Variants in GRK3 observed in about 807,000 individuals in gnomAD.
The protein encoded by GRK3 is adrenergic, beta, receptor kinase 2.
In GRK3, 54 loss-of-function variants were observed where a neutral mutation model predicts 95.7. The observed-to-expected ratio is 0.56, with a 90% CI of 0.45 to 0.71. The LOEUF is 0.71. Ranked by LOEUF, GRK3 falls within the 30% of genes least tolerant of loss-of-function variation. The pLI, the probability that GRK3 is intolerant of heterozygous loss-of-function variation, is 0.00. For synonymous variants in GRK3, 281 were observed against 290.8 expected (o/e 0.97, Z 0.34); for missense variants, 649 against 851.2 (o/e 0.76, Z 2.96).
chr22:25,674,356 C>CT (rs1236033225), intron 7 of GRK3, 81 bp from the exon 8 acceptor site: 7 of 1,108,358 alleles, frequency 6.3e-6, no homozygotes, highest in Non-Finnish European at 9.5e-6. Context: ...TAATTACTGT[C>CT]TATGTTTTGC....
At chr22:25,574,297 C>A (rs1007106793) in intron 1 of GRK3, among the ~76,000 whole-genome samples, 2 of 151,988 alleles carry the variant, frequency 1.3e-5, no homozygotes, top group Non-Finnish European at 1.5e-5. Context: ...CCAGCCTGGG[C>A]AACATGGTGA....
At chr22:25,604,511 C>T in intron 2 of GRK3, 58 bp downstream of exon 2, 1 of 1,238,976 alleles carries the variant, frequency 8.1e-7, no homozygotes, top group Admixed American at 1.9e-5. Flanking sequence ...TTGGGCGATA[C>T]TATAGTAATA....
Position 25,652,472 on chromosome 22 carries a change from G to A in GRK3, c.264+7807G>A, listed in dbSNP as rs554466148. On this transcript the variant is annotated intron_variant, in intron 3 of 20. Coordinates refer to ENST00000324198, the MANE Select transcript of GRK3 (RefSeq NM_005160.4). ...AATGTTGACTGTATAAAACAATAAT[G>A]TCGTGTTTCTCGAGCTTAAAATAAT... Among the ~76,000 whole-genome samples the A allele has an allele frequency of 5.3e-4, 80 of 152,262 alleles. 3 individuals are homozygous for A. The South Asian group carries it at 0.017, about 32-fold the overall frequency.
intron 1 of GRK3, among the ~76,000 whole-genome samples, chr22:25,582,287 A>T (rs1932127318): frequency 6.6e-6 from 1 of 152,132 alleles, no homozygotes; most frequent in Non-Finnish European, 1.5e-5. Context: ...GTCTCAAAAA[A>T]AAAAAAGAGT....
intron 1 of GRK3, among the ~76,000 whole-genome samples, chr22:25,579,700 C>A (rs143669905): frequency 0.012 from 1,761 of 152,078 alleles, 14 homozygotes; most frequent in Non-Finnish European, 0.018. Context: ...TCTCGATCTC[C>A]TGACCTCGTG....
chr22:25,707,288 T>C (rs2085307363), intron 15 of GRK3, among the ~76,000 whole-genome samples: 1 of 152,218 alleles, frequency 6.6e-6, no homozygotes, highest in African/African-American at 2.4e-5. Context: ...ATTTAGCTTA[T>C]CACATTTAAT....
chr22:25,584,750 C>G (rs1932235029), intron 1 of GRK3, among the ~76,000 whole-genome samples: 1 of 151,226 alleles, frequency 6.6e-6, no homozygotes, highest in African/African-American at 2.4e-5. Flanking sequence ...CTTATACTAT[C>G]TGCAGGTTCA....
intron 3 of GRK3, chr22:25,649,259 T>C: frequency 2.8e-6 from 3 of 1,065,882 alleles, no homozygotes; most frequent in Non-Finnish European, 4.4e-6. Flanking sequence ...TTTTATATGC[T>C]CACATCTGCC....
intron 3 of GRK3, chr22:25,647,828 TGGCTG>T (rs1202572031): frequency 6.2e-6 from 5 of 809,844 alleles, no homozygotes; most frequent in Non-Finnish European, 1.1e-5. Flanking sequence ...GAGAGTGAAA[TGGCTG>T]GGTGCAGTGG....
intron 15 of GRK3, among the ~76,000 whole-genome samples, chr22:25,708,634 T>G (rs1465538124): frequency 6.6e-6 from 1 of 151,216 alleles, no homozygotes; most frequent in Admixed American, 6.6e-5. Flanking sequence ...TCCTCCCCCA[T>G]GCGGGCTTTT....
At chr22:25,664,606 C>T (rs907450265) in intron 5 of GRK3, among the ~76,000 whole-genome samples, 14 of 150,730 alleles carry the variant, frequency 9.3e-5, no homozygotes, top group African/African-American at 3.4e-4. Context: ...TTGCAACCTC[C>T]GCCTCCCAGG....
At chr22:25,652,973 T>A (rs776270855) in intron 3 of GRK3, among the ~76,000 whole-genome samples, 8 of 152,170 alleles carry the variant, frequency 5.3e-5, no homozygotes, top group Non-Finnish European at 8.8e-5. Flanking sequence ...TAGGCTCTTG[T>A]AAGCATGCTC....
chr22:25,671,191 AT>A (rs2084979244), intron 6 of GRK3, among the ~76,000 whole-genome samples: 1 of 134,858 alleles, frequency 7.4e-6, no homozygotes, highest in African/African-American at 2.8e-5. Flanking sequence ...AATACAAAAA[AT>A]TAGTCCACGT....
At chr22:25,647,202 A>T (rs1478900493) in intron 3 of GRK3, 1 of 27,198 alleles carries the variant, frequency 3.7e-5, no homozygotes, top group South Asian at 4.7e-4. Context: ...GCCCCCTCCC[A>T]CCACCCGGAG....
Position 25,725,444 on chromosome 22 carries a change from G to T in GRK3, c.*2994G>T. The T allele has an allele frequency of 2.5e-6, 1 of 397,708 alleles. No homozygotes were observed. The highest frequency in any genetic ancestry group is 4.4e-6 in the Non-Finnish European group (1 of 225,830). 24.6% of individuals were successfully genotyped at this position (397,708 alleles called of 1,614,324 possible). A position where few individuals can be genotyped will look rare whatever the true frequency, so the allele number is the denominator to read the frequency against. On this transcript the variant is annotated 3_prime_UTR_variant, in exon 21 of 21. Coordinates refer to ENST00000324198, the MANE Select transcript of GRK3 (RefSeq NM_005160.4). ...AAATTAAAAACCTTTGTGAATTCAG[G>T]TTTATTATTTTTAACCTAAAACATT...
chr22:25,725,399 A>G lies in GRK3; in HGVS notation c.*2949A>G, dbSNP rs1735343073. ...AAATAATAGATTACTTTAAGCTGCT[A>G]TGTAAGATATATATGGAATAAATTA... On this transcript the variant is annotated 3_prime_UTR_variant, in exon 21 of 21. Coordinates refer to ENST00000324198, the MANE Select transcript of GRK3 (RefSeq NM_005160.4). 1.0e-5 allele frequency: 4 copies of G among 396,004 alleles called. No individual in the cohort carries two copies. The highest frequency in any genetic ancestry group is 1.8e-5 in the Non-Finnish European group (4 of 225,046). The allele number at this position is 396,004 out of a possible 1,614,324, so 24.5% of individuals were successfully genotyped here.
chr22:25,645,922 A>G (rs924976956), intron 3 of GRK3, among the ~76,000 whole-genome samples: 2 of 146,266 alleles, frequency 1.4e-5, no homozygotes, highest in African/African-American at 5.1e-5. Flanking sequence ...CTCCATCTCA[A>G]AAAAAAAAAA....
Position 25,604,408 on chromosome 22 carries a change from G to A in GRK3, c.145G>A (p.Glu49Lys). 1 of 1,612,464 alleles carries A rather than the reference G, an allele frequency of 6.2e-7. No individual in the cohort carries two copies. The highest frequency in any genetic ancestry group is 1.1e-5 in the South Asian group (1 of 90,810). Residue 49 changes from glutamate to lysine, a missense_variant, in exon 2 of 21, where the codon GAG becomes AAG. Around this residue, in one of 3 missense-constraint regions of GRK3, gnomAD observed 206 missense variants for 231.4 expected, o/e 0.89. Transcript: ENST00000324198. ...IRSVMQKYLA[E>K]RNEITFDKIF... is the part of the protein sequence containing the mutation. ...GAGTGTGATGCAGAAGTACCTTGCA[G>A]AGAGAAATGAAATAACCTTTGACAA... is the stretch of plus-strand genomic sequence containing the variant.
chr22:25,604,689 C>T (rs1392989150), intron 2 of GRK3, among the ~76,000 whole-genome samples: 2 of 152,202 alleles, frequency 1.3e-5, no homozygotes, highest in Non-Finnish European at 2.9e-5. Flanking sequence ...ATGAACTCAG[C>T]GTTGCTGAAT....
Sources: gnomAD v4.1 joint callset for allele counts (sites outside exome capture counted in the v4.1 genomes callset) on GRCh38, gnomAD v4.1.1 for gene constraint, gnomAD v4.1.1 regional missense constraint, MANE v1.5 for transcripts, NCBI Gene and HGNC (gene_info 2026-07-23, HGNC 2026-07-21) for gene names.